The following LEKR1 variants were observed in gnomAD, a reference collection of about 807,000 sequenced individuals.
LEKR1 encodes protein LEKR1.
Under a neutral mutation model 72.4 loss-of-function variants are expected in LEKR1, and 59 were observed. The observed-to-expected ratio is 0.82, with a 90% CI of 0.66 to 1.01. The LOEUF (loss-of-function observed/expected upper bound fraction) is 1.01. Ranked by LOEUF, LEKR1 falls within the 50% of genes least tolerant of loss-of-function variation. LEKR1 has a pLI of 0.00. For missense variants in LEKR1, 728 were observed against 759.2 expected (o/e 0.96, Z 0.48); for synonymous variants, 257 against 263.2 (o/e 0.98, Z 0.23).
At chr3:156,883,574 G>T (rs746983637) in intron 3 of LEKR1, among the ~76,000 whole-genome samples, 1 of 152,176 alleles carries the variant, frequency 6.6e-6, no homozygotes, top group Non-Finnish European at 1.5e-5. Context: ...GGAGGGACTT[G>T]GTGGGAGATA....
chr3:156,855,051 ATTTAC>A (rs566150808), intron 3 of LEKR1, among the ~76,000 whole-genome samples: 140 of 152,242 alleles, frequency 9.2e-4, no homozygotes, highest in African/African-American at 2.8e-3. Context: ...ATATGCTATA[ATTTAC>A]TTAATCAATT....
At chr3:156,985,928 A>G (rs1730639436) in intron 7 of LEKR1, among the ~76,000 whole-genome samples, 1 of 152,052 alleles carries the variant, frequency 6.6e-6, no homozygotes, top group South Asian at 2.1e-4. Context: ...GAGGATCCTT[A>G]TAAGAGGAAG....
At chr3:157,027,558 G>T (rs1336289638) in intron 11 of LEKR1, among the ~76,000 whole-genome samples, 1 of 152,096 alleles carries the variant, frequency 6.6e-6, no homozygotes, top group Non-Finnish European at 1.5e-5. Context: ...GCTCACAGCT[G>T]TAATCCCAGC....
intron 2 of LEKR1, among the ~76,000 whole-genome samples, chr3:156,831,833 A>G (rs1209604538): frequency 6.6e-6 from 1 of 152,222 alleles, no homozygotes; most frequent in African/African-American, 2.4e-5. Context: ...CAGCCAAACC[A>G]TATCAAATGA....
intron 7 of LEKR1, among the ~76,000 whole-genome samples, chr3:156,982,816 A>G (rs1056424266): frequency 2.0e-5 from 3 of 151,580 alleles, no homozygotes; most frequent in African/African-American, 7.3e-5. Flanking sequence ...ATATACTTTT[A>G]TTACTTTCAT....
At chr3:156,882,597 T>C (rs1386438782) in intron 3 of LEKR1, among the ~76,000 whole-genome samples, 7 of 152,222 alleles carry the variant, frequency 4.6e-5, no homozygotes, top group African/African-American at 1.7e-4. Context: ...AGTGTGGCAA[T>C]TCCTCAGGGA....
At position 156,839,758 on chromosome 3, in the gene LEKR1, A is replaced by G. The variant is rs1016285327; in HGVS notation, c.48+10381A>G. ...GGCAGAAGGGTTTCAATTATTCGAG[A>G]CTGCTTCTCACTTCTTTTACAACAT... On this transcript the variant is annotated intron_variant, in intron 2 of 12. Coordinates refer to ENST00000356539, the MANE Select transcript of LEKR1 (RefSeq NM_001004316.3). Among the ~76,000 whole-genome samples, 8 of 152,320 alleles carry G rather than the reference A, an allele frequency of 5.3e-5. 1 individual carries two copies. The Middle Eastern group carries it at 0.02, about 389-fold the overall frequency.
At chr3:156,839,260 C>CT (rs1372284017) in intron 2 of LEKR1, among the ~76,000 whole-genome samples, 2 of 152,214 alleles carry the variant, frequency 1.3e-5, no homozygotes, top group African/African-American at 4.8e-5. Flanking sequence ...TTTTTCTAGA[C>CT]TGAGTCCATC....
At chr3:156,914,002 C>T (rs1424290624) in intron 3 of LEKR1, among the ~76,000 whole-genome samples, 1 of 152,090 alleles carries the variant, frequency 6.6e-6, no homozygotes, top group East Asian at 1.9e-4. Context: ...AAATCATAGT[C>T]TCCTAGTCTA....
At chr3:157,021,541 T>G (rs1174815109) in intron 10 of LEKR1, among the ~76,000 whole-genome samples, 1 of 152,212 alleles carries the variant, frequency 6.6e-6, no homozygotes, top group African/African-American at 2.4e-5. Flanking sequence ...AAACTTTTTT[T>G]GAAGGTTCTT....
chr3:157,005,229 TAAAC>T (rs1383886301), intron 9 of LEKR1, among the ~76,000 whole-genome samples: 1 of 152,132 alleles, frequency 6.6e-6, no homozygotes, highest in African/African-American at 2.4e-5. Context: ...CAAAATTTTT[TAAAC>T]AAACTACCAA....
chr3:157,004,675 T>C (rs1732274749), intron 9 of LEKR1, among the ~76,000 whole-genome samples: 1 of 152,082 alleles, frequency 6.6e-6, no homozygotes, highest in Admixed American at 6.5e-5. Context: ...TACAGAAAAT[T>C]ATCTTGACAG....
At chr3:156,879,978 C>A (rs1003489354) in intron 3 of LEKR1, among the ~76,000 whole-genome samples, 1 of 152,198 alleles carries the variant, frequency 6.6e-6, no homozygotes, top group Non-Finnish European at 1.5e-5. Context: ...GCTGGGCCCT[C>A]ATGGAGAACC....
chr3:156,866,881 C>A (rs1376449384), intron 3 of LEKR1, among the ~76,000 whole-genome samples: 3 of 151,974 alleles, frequency 2.0e-5, no homozygotes, highest in Non-Finnish European at 2.9e-5. Context: ...ATGCACCCTG[C>A]ATACTGTCCT....
At chr3:157,003,594 C>T (rs1732183707) in intron 9 of LEKR1, among the ~76,000 whole-genome samples, 1 of 152,178 alleles carries the variant, frequency 6.6e-6, no homozygotes, top group African/African-American at 2.4e-5. Context: ...TCTCTGCTTT[C>T]ATTGTCATAT....
At position 156,927,568 on chromosome 3, in the gene LEKR1, C is replaced by G; in HGVS notation, c.523C>G (p.Leu175Val). The change falls in exon 5 of 13, where the codon CTA (leucine) becomes GTA (valine). Residue 175 changes from leucine to valine, a missense_variant. Physicochemically the swap from Leu to Val is conservative, Grantham distance 32. Transcript: ENST00000356539. ...GACTTCATTGAAAGGAGCAGTTTTT[C>G]TACAAATTAAATCTATAAGTGAAAC... ...NWTSLKGAVFLQIKSISETAL... is the reference protein window; with the variant it reads ...NWTSLKGAVFVQIKSISETAL... The G allele has an allele frequency of 8.1e-7, 1 of 1,238,022 alleles. No individual in the cohort carries two copies. The highest frequency in any genetic ancestry group is 6.5e-5 in the East Asian group (1 of 15,396). 76.7% of individuals were successfully genotyped at this position (1,238,022 alleles called of 1,614,324 possible). A position where few individuals can be genotyped will look rare whatever the true frequency, so the allele number is the denominator to read the frequency against.
intron 3 of LEKR1, among the ~76,000 whole-genome samples, chr3:156,918,431 T>A (rs1723865620): frequency 6.6e-6 from 1 of 152,162 alleles, no homozygotes; most frequent in African/African-American, 2.4e-5. Context: ...AGTAGGCTGT[T>A]ATTCTCCTGT....
At chr3:156,968,667 A>G (rs950871336) in intron 6 of LEKR1, among the ~76,000 whole-genome samples, 6 of 152,190 alleles carry the variant, frequency 3.9e-5, no homozygotes, top group Admixed American at 3.3e-4. Context: ...CCCCACAATA[A>G]TAATGGGAGA....
chr3:156,990,278 A>G (rs1731048515), intron 7 of LEKR1, among the ~76,000 whole-genome samples: 1 of 152,156 alleles, frequency 6.6e-6, no homozygotes, highest in Admixed American at 6.5e-5. Context: ...TCAGGGCATC[A>G]CATCTGGAGG....
Sources: allele counts gnomAD v4.1 joint callset (sites outside exome capture counted in the v4.1 genomes callset), GRCh38; gene constraint gnomAD v4.1.1; transcripts MANE v1.5; gene names NCBI Gene and HGNC (gene_info 2026-07-23, HGNC 2026-07-21).